PHLDB2: variants seen among roughly 807,000 people sequenced by gnomAD.
PHLDB2 encodes pleckstrin homology-like domain family B member 2.
PHLDB2 carries 71 observed loss-of-function variants against 123.6 expected under a neutral mutation model. The ratio of observed to expected loss-of-function variants is 0.57; its 90% CI spans 0.47 to 0.70. The LOEUF (loss-of-function observed/expected upper bound fraction) is 0.70. Among genes scored for constraint, PHLDB2 ranks in the 30% least tolerant of loss-of-function variants. PHLDB2 has a pLI of 0.00. For synonymous variants in PHLDB2, 547 were observed against 541.6 expected (o/e 1.01, Z -0.14); for missense variants, 1,446 against 1,519.5 (o/e 0.95, Z 0.80).
At chr3:111,927,625 A>G (rs1339906886) in intron 5 of PHLDB2, among the ~76,000 whole-genome samples, 1 of 152,204 alleles carries the variant, frequency 6.6e-6, no homozygotes, top group Non-Finnish European at 1.5e-5. Context: ...CATTTCCGAC[A>G]AACAGAATCA....
intron 13 of PHLDB2, among the ~76,000 whole-genome samples, chr3:111,963,173 C>T (rs2071524598): frequency 6.6e-6 from 1 of 152,176 alleles, no homozygotes; most frequent in Non-Finnish European, 1.5e-5. Flanking sequence ...TTTTGATGTC[C>T]CACTACCTAC....
rs2066069713 is a variant in PHLDB2 at position 111,884,228 on chromosome 3, G to A, written c.151G>A (p.Ala51Thr). ...ATACTCTTCCAGTCTGAGATTTAAA[G>A]CCAATGGAGACTATTCTGGCTCCTA... ...KKYSSSLRFK[A>T]NGDYSGSYLT... The change falls in exon 2 of 18, where the codon GCC becomes ACC. Residue 51 changes from alanine to threonine, a missense_variant. Coordinates refer to ENST00000431670, the MANE Select transcript of PHLDB2 (RefSeq NM_001134438.2). 6.2e-7 allele frequency: 1 copy of A among 1,614,044 alleles called. No homozygotes were observed. The highest frequency in any genetic ancestry group is 1.7e-5 in the Admixed American group (1 of 59,994).
intron 16 of PHLDB2, 109 bp from the exon 17 acceptor site, chr3:111,973,623 A>G (rs2072360631): frequency 3.3e-6 from 2 of 601,436 alleles, no homozygotes; most frequent in Non-Finnish European, 5.5e-6. Context: ...TTAATCTTAG[A>G]TAAATTAAAT....
chr3:111,767,727 C>CTCTTACCCTTGTAGGTAT (rs2060107247), intron 1 of PHLDB2, among the ~76,000 whole-genome samples: 1 of 152,218 alleles, frequency 6.6e-6, no homozygotes, highest in Non-Finnish European at 1.5e-5. Context: ...CAACAGCTAT[C>CTCTTACCCTTGTAGGTAT]TCTTACCCTT....
At chr3:111,867,242 A>T (rs868346683) in intron 1 of PHLDB2, among the ~76,000 whole-genome samples, 1 of 152,128 alleles carries the variant, frequency 6.6e-6, no homozygotes, top group Admixed American at 6.5e-5. Context: ...TTAAAAAAAA[A>T]ATCAGCTAGG....
At chr3:111,858,989 A>T (rs9883806), upstream of PHLDB2, among the ~76,000 whole-genome samples, 94,192 of 152,080 alleles carry the variant, frequency 0.62, 29,761 homozygotes, top group Middle Eastern at 0.81. Flanking sequence ...GGGAAAATAT[A>T]AAAACTTTCA....
At position 111,765,897 on chromosome 3, in the gene PHLDB2, C is replaced by G. The variant is rs555917633; in HGVS notation, c.-49+33194C>G. ...CCATTTCTTCTTTTATATGCACACA[C>G]ACACACATACACATACACACATACT... is the stretch of plus-strand genomic sequence containing the variant. On this transcript the variant is annotated intron_variant, in intron 1 of 17. Coordinates refer to the PHLDB2 transcript ENST00000393923. Among the ~76,000 whole-genome samples, 7 of 111,804 alleles carry G rather than the reference C, an allele frequency of 6.3e-5. No individual in the cohort carries two copies. The East Asian group carries it at 2.1e-3, about 34-fold the overall frequency. The allele number at this position is 111,804 out of a possible 152,430, so 73.3% of individuals were successfully genotyped here. A position where few individuals can be genotyped will look rare whatever the true frequency, so the allele number is the denominator to read the frequency against.
intron 1 of PHLDB2, among the ~76,000 whole-genome samples, chr3:111,738,715 T>C (rs1007949315): frequency 6.6e-6 from 1 of 152,152 alleles, no homozygotes; most frequent in African/African-American, 2.4e-5. Flanking sequence ...AAGAAGATAA[T>C]GGGTTCTCAG....
chr3:111,924,428 T>C (rs1447105065), intron 5 of PHLDB2, among the ~76,000 whole-genome samples: 2 of 152,390 alleles, frequency 1.3e-5, no homozygotes, highest in Admixed American at 6.5e-5. Context: ...TGTTGGATTT[T>C]CCTGCTAATG....
chr3:111,843,449 A>G (rs370015991), intron 1 of PHLDB2, among the ~76,000 whole-genome samples: 5 of 152,336 alleles, frequency 3.3e-5, no homozygotes, highest in African/African-American at 1.2e-4. Flanking sequence ...GGAGCACAGT[A>G]GCATGATCAG....
chr3:111,969,720 C>T lies in PHLDB2; in HGVS notation c.3346C>T (p.Arg1116Trp), dbSNP rs141317321. ...ARPLTRYLPVRKEDFDLRSHV... is the reference protein window; with the variant it reads ...ARPLTRYLPVWKEDFDLRSHV... ...TCCTTTGACACGCTACCTGCCTGTC[C>T]GGAAGGAAGACTTTGATTTGCGGAG... The change falls in exon 16 of 18, where the codon CGG becomes TGG. Residue 1116 changes from arginine (R) to tryptophan (W), a missense_variant. Physicochemically the swap from Arg to Trp is moderately radical, Grantham distance 101. Around this residue, in one of 3 missense-constraint regions of PHLDB2, gnomAD observed 594 missense variants for 646.0 expected, o/e 0.92. Transcript: ENST00000431670. 71 of 1,613,812 alleles carry T rather than the reference C, an allele frequency of 4.4e-5. No individual in the cohort carries two copies. Among genetic ancestry groups the T allele is most frequent in the African/African-American group, 3.5e-4 (26 of 74,884 alleles).
chr3:111,776,221 A>C (rs959645962), intron 1 of PHLDB2, among the ~76,000 whole-genome samples: 1 of 152,148 alleles, frequency 6.6e-6, no homozygotes, highest in East Asian at 1.9e-4. Flanking sequence ...AATCCCCTTT[A>C]TCGTATAAAC....
intron 1 of PHLDB2, among the ~76,000 whole-genome samples, chr3:111,771,178 A>T (rs139292843): frequency 6.6e-6 from 1 of 152,342 alleles, no homozygotes; most frequent in African/African-American, 2.4e-5. Context: ...ACAAAGTACC[A>T]CAAATGGGTG....
At chr3:111,799,786 C>T (rs1241722086) in intron 1 of PHLDB2, among the ~76,000 whole-genome samples, 1 of 152,160 alleles carries the variant, frequency 6.6e-6, no homozygotes, top group Non-Finnish European at 1.5e-5. Flanking sequence ...TCAGAAAGGA[C>T]TGCTTTATTT....
intron 14 of PHLDB2, 53 bp downstream of exon 14, chr3:111,966,756 C>T (rs1361428576): frequency 6.9e-7 from 1 of 1,439,138 alleles, no homozygotes; most frequent in African/African-American, 1.4e-5. Context: ...TGCAGGAGCC[C>T]TGCGCTTGGC....
chr3:111,936,803 T>C (rs1378723868), intron 6 of PHLDB2, among the ~76,000 whole-genome samples: 1 of 152,216 alleles, frequency 6.6e-6, no homozygotes, highest in East Asian at 1.9e-4. Context: ...TATTCCTTTT[T>C]TTTAAATCTC....
intron 1 of PHLDB2, among the ~76,000 whole-genome samples, chr3:111,744,168 A>G (rs1471898206): frequency 1.3e-5 from 2 of 152,228 alleles, no homozygotes; most frequent in Non-Finnish European, 2.9e-5. Context: ...AAAAGAAGAA[A>G]GACTTATGAT....
intron 1 of PHLDB2, among the ~76,000 whole-genome samples, chr3:111,733,188 G>A (rs1941561360): frequency 1.3e-5 from 2 of 152,072 alleles, no homozygotes; most frequent in African/African-American, 4.8e-5. Context: ...GCTCTCCCAG[G>A]AAGTCACGTA....
At chr3:111,828,639 G>T (rs2062784218) in intron 1 of PHLDB2, among the ~76,000 whole-genome samples, 1 of 152,050 alleles carries the variant, frequency 6.6e-6, no homozygotes, top group African/African-American at 2.4e-5. Context: ...AAATTAGCCG[G>T]GTGTGGTGGT....
Sources: allele counts gnomAD v4.1 joint callset (sites outside exome capture counted in the v4.1 genomes callset), GRCh38; gene constraint gnomAD v4.1.1; regional missense constraint gnomAD v4.1.1; transcripts MANE v1.5; gene names NCBI Gene and HGNC (gene_info 2026-07-23, HGNC 2026-07-21).